CADM1: variants seen among roughly 807,000 people sequenced by gnomAD.
CADM1 encodes the protein TSLC-1.
CADM1 carries 15 observed loss-of-function variants against 53.1 expected under a neutral mutation model. The observed-to-expected ratio is 0.28, with a 90% CI of 0.19 to 0.44. The LOEUF (loss-of-function observed/expected upper bound fraction) is 0.44, where lower values mean the gene tolerates loss of function less well. CADM1 is among the 20% of genes least tolerant of loss of function. CADM1 has a pLI of 1.00. For synonymous variants in CADM1, 281 were observed against 243.0 expected (o/e 1.16, Z -1.45); for missense variants, 434 against 611.3 (o/e 0.71, Z 3.06).
At chr11:115,369,863 C>T (rs11215522) in intron 1 of CADM1, among the ~76,000 whole-genome samples, 55,462 of 152,032 alleles carry the variant, frequency 0.36, 10,554 homozygotes, top group Non-Finnish European at 0.43. Flanking sequence ...CTACAATACA[C>T]AATTCTGAAA....
chr11:115,504,286 C>T lies in CADM1; in HGVS notation c.109G>A (p.Ala37Thr). 2 of 1,569,694 alleles carry T rather than the reference C, an allele frequency of 1.3e-6. No individual in the cohort carries two copies. The highest frequency in any genetic ancestry group is 8.6e-7 in the Non-Finnish European group (1 of 1,158,064). ...RLLLLLFSAA[A>T]LIPTGDGQNL... ...CCACACCTACCTGTGGGGATCAGTG[C>T]CGCGGCGGAGAAGAGCAACAGCAGA... is the stretch of plus-strand genomic sequence containing the variant. Residue 37 changes from alanine (A) to threonine (T), a missense_variant, in exon 1 of 12, where the codon GCA (alanine) becomes ACA (threonine). Ala to Thr is a moderately conservative substitution (Grantham distance 58, BLOSUM62 0). Around this residue, in one of 4 missense-constraint regions of CADM1, gnomAD observed 76 missense variants for 59.8 expected, o/e 1.27. Coordinates refer to ENST00000331581, the MANE Select transcript of CADM1 (RefSeq NM_001301043.2).
intron 1 of CADM1, among the ~76,000 whole-genome samples, chr11:115,438,524 T>TA (rs148570903): frequency 1.3e-3 from 191 of 151,102 alleles, no homozygotes; most frequent in African/African-American, 4.2e-3. Context: ...TTGGGAAATG[T>TA]AAAAAAAAAT....
intron 1 of CADM1, among the ~76,000 whole-genome samples, chr11:115,403,407 T>C (rs1947214213): frequency 6.6e-6 from 1 of 152,060 alleles, no homozygotes; most frequent in Admixed American, 6.6e-5. Context: ...ACTAAGAAAA[T>C]TTGAATAAAG....
At chr11:115,445,368 T>C (rs974779679) in intron 1 of CADM1, among the ~76,000 whole-genome samples, 1 of 152,102 alleles carries the variant, frequency 6.6e-6, no homozygotes, top group Admixed American at 6.5e-5. Flanking sequence ...CAGTTTCTTA[T>C]ATAGACAATA....
intron 9 of CADM1, among the ~76,000 whole-genome samples, chr11:115,195,847 T>C (rs1266157226): frequency 6.6e-6 from 1 of 152,206 alleles, no homozygotes; most frequent in East Asian, 1.9e-4. Flanking sequence ...AAGAGTATGC[T>C]CTTTAAAACA....
At chr11:115,479,137 C>T (rs1430107892) in intron 1 of CADM1, among the ~76,000 whole-genome samples, 1 of 152,048 alleles carries the variant, frequency 6.6e-6, no homozygotes, top group African/African-American at 2.4e-5. Context: ...GGCAATTGCT[C>T]TAATTGCTTA....
intron 1 of CADM1, among the ~76,000 whole-genome samples, chr11:115,283,889 C>A (rs1338396854): frequency 2.6e-5 from 4 of 152,144 alleles, no homozygotes; most frequent in Non-Finnish European, 5.9e-5. Context: ...CAGAGGCTTG[C>A]CCACCTTGTT....
intron 8 of CADM1, among the ~76,000 whole-genome samples, chr11:115,200,402 A>G (rs1183710803): frequency 6.6e-6 from 1 of 152,252 alleles, no homozygotes; most frequent in Non-Finnish European, 1.5e-5. Flanking sequence ...AATACATTTT[A>G]TAGATAGGCA....
At chr11:115,273,113 T>C (rs1407401351) in intron 1 of CADM1, among the ~76,000 whole-genome samples, 1 of 152,198 alleles carries the variant, frequency 6.6e-6, no homozygotes, top group Non-Finnish European at 1.5e-5. Context: ...ACACAGTAGA[T>C]ATCCTAACAA....
At chr11:115,482,430 T>A (rs1287380652) in intron 1 of CADM1, among the ~76,000 whole-genome samples, 3 of 152,146 alleles carry the variant, frequency 2.0e-5, no homozygotes, top group Non-Finnish European at 4.4e-5. Flanking sequence ...TAGTAAGTGA[T>A]ACACACACAC....
Position 115,198,392 on chromosome 11 carries a change from A to T in CADM1, c.1111+14T>A. On this transcript the variant is annotated intron_variant, in intron 9 of 11. Transcript: ENST00000331581. ...AGTGCTGAGAAAGTAGATAAACAGT[A>T]ATGTGATACCAACCGTGAACTGCTG... The T allele has an allele frequency of 6.3e-7, 1 of 1,589,446 alleles. No homozygotes were observed. The highest frequency in any genetic ancestry group is 1.3e-5 in the African/African-American group (1 of 74,910).
At chr11:115,501,613 T>G (rs1949728341) in intron 1 of CADM1, among the ~76,000 whole-genome samples, 1 of 152,126 alleles carries the variant, frequency 6.6e-6, no homozygotes, top group Admixed American at 6.6e-5. Context: ...ACAGGAGAAA[T>G]GAGAGGAGAT....
At chr11:115,268,029 C>T (rs1444102846) in intron 1 of CADM1, among the ~76,000 whole-genome samples, 2 of 152,316 alleles carry the variant, frequency 1.3e-5, no homozygotes, top group East Asian at 3.9e-4. Flanking sequence ...CACACAGCTG[C>T]TCGCTTCTGC....
In CADM1 at chr11:115,284,087, A is replaced by ACTCTCTCT. The variant is rs141079093; in HGVS notation, c.125-43675_125-43668dup. Among the ~76,000 whole-genome samples the ACTCTCTCT allele has an allele frequency of 8.4e-3, 397 of 47,480 alleles. 5 individuals carry two copies. The highest frequency in any genetic ancestry group is 0.023 in the African/African-American group (221 of 9,526). The allele number at this position is 47,480 out of a possible 152,430, so 31.1% of individuals were successfully genotyped here. The stretch of plus-strand genomic sequence containing the variant: ...AGGGTGAAGATCTACAAGCCCAGAC[A>ACTCTCTCT]CTCTCTCTCTCTCTCTCTCTCTCTC... On this transcript the variant is annotated intron_variant, in intron 1 of 11. Coordinates refer to ENST00000331581, the MANE Select transcript of CADM1 (RefSeq NM_001301043.2).
intron 1 of CADM1, among the ~76,000 whole-genome samples, chr11:115,332,727 G>A (rs2135221400): frequency 6.6e-6 from 1 of 152,222 alleles, no homozygotes; most frequent in Non-Finnish European, 1.5e-5. Context: ...TGAGCAGAAG[G>A]TAGATTAGAG....
chr11:115,226,357 G>A (rs1441383993), intron 5 of CADM1, among the ~76,000 whole-genome samples: 1 of 152,188 alleles, frequency 6.6e-6, no homozygotes, highest in Non-Finnish European at 1.5e-5. Flanking sequence ...ACCCTGAGGG[G>A]TAAATGGACT....
chr11:115,210,774 G>A (rs889247940), intron 7 of CADM1, among the ~76,000 whole-genome samples: 1 of 152,134 alleles, frequency 6.6e-6, no homozygotes, highest in Admixed American at 6.5e-5. Context: ...ATTGGGTTTG[G>A]TGCAACTTCC....
At chr11:115,191,164 A>G in intron 9 of CADM1, 1 of 512,778 alleles carries the variant, frequency 2.0e-6, no homozygotes, top group Non-Finnish European at 3.5e-6. Context: ...TCCACTGTTC[A>G]AAGGACATGA....
intron 1 of CADM1, among the ~76,000 whole-genome samples, chr11:115,334,791 A>T (rs1945223911): frequency 6.6e-6 from 1 of 152,172 alleles, no homozygotes. Context: ...ATAACATCAC[A>T]TACAAAGGGG....
Sources: gnomAD v4.1 joint callset for allele counts (sites outside exome capture counted in the v4.1 genomes callset) on GRCh38, gnomAD v4.1.1 for gene constraint, gnomAD v4.1.1 regional missense constraint, MANE v1.5 for transcripts, NCBI Gene and HGNC (gene_info 2026-07-23, HGNC 2026-07-21) for gene names.